COX16: variants seen among roughly 807,000 people sequenced by gnomAD.
The protein encoded by COX16 is cytochrome c oxidase assembly factor COX16.
In COX16, 12 loss-of-function variants were observed where a neutral mutation model predicts 15.4. The ratio of observed to expected loss-of-function variants is 0.78; its 90% CI spans 0.50 to 1.26. COX16 has a LOEUF of 1.26. Among genes scored for constraint, COX16 ranks in the 50% most tolerant of loss-of-function variants. The probability of loss-of-function intolerance (pLI) is 0.00; values close to 1 mark genes in which losing one functional copy is unlikely to be tolerated. For synonymous variants in COX16, 46 were observed against 41.1 expected, an observed-to-expected ratio of 1.12 and a Z score of -0.46; for missense variants, 124 against 127.6, an observed-to-expected ratio of 0.97 and a Z score of 0.14.
intron 1 of COX16, among the ~76,000 whole-genome samples, chr14:70,348,540 G>A (rs1886850055): frequency 6.6e-6 from 1 of 152,038 alleles, no homozygotes; most frequent in Non-Finnish European, 1.5e-5. Flanking sequence ...TGTCAAGGAT[G>A]CCGGCATGCT....
In COX16 at chr14:70,328,072, A is replaced by ATTTTTTTTTTTTTTTTTTTTTTTT. The variant is rs77655575; in HGVS notation, c.204+1078_204+1101dup. 35 of 80,842 alleles carry ATTTTTTTTTTTTTTTTTTTTTTTT rather than the reference A, an allele frequency of 4.3e-4. 7 individuals are homozygous for ATTTTTTTTTTTTTTTTTTTTTTTT. The highest frequency in any genetic ancestry group is 1.3e-3 in the African/African-American group (25 of 19,846). The allele number at this position is 80,842 out of a possible 1,614,324, so 5.0% of individuals were successfully genotyped here. A position where few individuals can be genotyped will look rare whatever the true frequency, so the allele number is the denominator to read the frequency against. Reference sequence around the variant, plus strand: ...AGTAAAAATTATGCCTGAGAATAAGATTTTTTTTTTTTTTTTTTTTTTTTT... The same window carrying ATTTTTTTTTTTTTTTTTTTTTTTT: ...AGTAAAAATTATGCCTGAGAATAAGATTTTTTTTTTTTTTTTTTTTTTTTTTTTTTTTTTTTTTTTTTTTTTTTT... On this transcript the variant is annotated intron_variant, in intron 3 of 3. Coordinates refer to ENST00000389912, the MANE Select transcript of COX16 (RefSeq NM_016468.7).
intron 1 of COX16, among the ~76,000 whole-genome samples, chr14:70,356,727 A>T (rs1038929439): frequency 6.7e-6 from 1 of 148,296 alleles, no homozygotes. Flanking sequence ...TATCAGTGAC[A>T]TGGTGGAGTA....
Position 70,331,423 on chromosome 14 carries a change from C to A in COX16, c.142-2187G>T, listed in dbSNP as rs576448601. On this transcript the variant is annotated intron_variant, in intron 2 of 3. Transcript: ENST00000389912. ...CTCCTAAAAAATAGTAGGAAAAAAA[C>A]CCAATAATCCAGTAGAAAAAAATGA... Among the ~76,000 whole-genome samples, 66 of 151,924 alleles carry A rather than the reference C, an allele frequency of 4.3e-4. 1 individual carries two copies. In the East Asian group the frequency reaches 6.8e-3, roughly 16 times the overall value.
chr14:70,329,942 TGA>T (rs1172820771), intron 2 of COX16, among the ~76,000 whole-genome samples: 1 of 150,664 alleles, frequency 6.6e-6, no homozygotes, highest in Non-Finnish European at 1.5e-5. Context: ...ATGAGATGAA[TGA>T]AAAAAAGTAT....
intron 3 of COX16, among the ~76,000 whole-genome samples, chr14:70,327,597 T>G (rs1391365801): frequency 6.6e-6 from 1 of 152,116 alleles, no homozygotes; most frequent in Non-Finnish European, 1.5e-5. Flanking sequence ...TAATTTAGCA[T>G]ACAAGAAGAA....
intron 2 of COX16, among the ~76,000 whole-genome samples, chr14:70,332,837 T>TG (rs1246390085): frequency 6.6e-6 from 1 of 152,216 alleles, no homozygotes; most frequent in Non-Finnish European, 1.5e-5. Context: ...AGAGAACTGT[T>TG]GGGAGGCATG....
chr14:70,330,051 A>G (rs1200208394), intron 2 of COX16, among the ~76,000 whole-genome samples: 4 of 152,148 alleles, frequency 2.6e-5, no homozygotes, highest in Non-Finnish European at 5.9e-5. Context: ...TAAAAATAGC[A>G]AAGAATTCAC....
chr14:70,331,940 T>C (rs1212100983), intron 2 of COX16, among the ~76,000 whole-genome samples: 3 of 151,944 alleles, frequency 2.0e-5, no homozygotes, highest in African/African-American at 7.3e-5. Flanking sequence ...AGGTAGGAGG[T>C]TGTCAAACCC....
intron 1 of COX16, among the ~76,000 whole-genome samples, chr14:70,347,987 C>T (rs1886833175): frequency 6.6e-6 from 1 of 152,086 alleles, no homozygotes; most frequent in South Asian, 2.1e-4. Flanking sequence ...AGAAGACTCT[C>T]ATCTCAGCCC....
chr14:70,326,145 T>A lies in COX16; in HGVS notation c.*188A>T, dbSNP rs1886063374. On this transcript the variant is annotated 3_prime_UTR_variant, in exon 4 of 4. Transcript: ENST00000389912. ...CAACATTGTTACTTTCATCCACAGATGGAATAGCTGGGAAGTATAAAAACC... is the reference window on the plus strand; with the variant it reads ...CAACATTGTTACTTTCATCCACAGAAGGAATAGCTGGGAAGTATAAAAACC... The A allele has an allele frequency of 2.8e-6, 1 of 354,700 alleles. No homozygotes were observed. The highest frequency in any genetic ancestry group is 4.8e-6 in the Non-Finnish European group (1 of 206,768). The allele number at this position is 354,700 out of a possible 1,614,324, so 22.0% of individuals were successfully genotyped here. A position where few individuals can be genotyped will look rare whatever the true frequency, so the allele number is the denominator to read the frequency against.
At chr14:70,354,395 T>C (rs1256716762) in intron 1 of COX16, among the ~76,000 whole-genome samples, 1 of 152,218 alleles carries the variant, frequency 6.6e-6, no homozygotes, top group African/African-American at 2.4e-5. Flanking sequence ...GGCTTTGAGC[T>C]ATGTGATATC....
intron 2 of COX16, among the ~76,000 whole-genome samples, chr14:70,331,710 C>G (rs1886297151): frequency 6.6e-6 from 1 of 151,696 alleles, no homozygotes; most frequent in South Asian, 2.1e-4. Flanking sequence ...TTCTGAAAAA[C>G]AGTTTGGAAT....
At chr14:70,353,795 G>A (rs997840781) in intron 1 of COX16, among the ~76,000 whole-genome samples, 1 of 152,020 alleles carries the variant, frequency 6.6e-6, no homozygotes, top group Non-Finnish European at 1.5e-5. Flanking sequence ...TTACAGGCGT[G>A]AGCCACTGCG....
rs776517205 is a variant in COX16, at chr14:70,326,479, A to T, written c.205-30T>A. On this transcript the variant is annotated intron_variant, in intron 3 of 3. Transcript: ENST00000389912. ...AGAACCACAAAAAATTAAAGTATAAATATTAGTATAAGAGCCTGTGGCTTT... is the reference window on the plus strand; with the variant it reads ...AGAACCACAAAAAATTAAAGTATAATTATTAGTATAAGAGCCTGTGGCTTT... The T allele has an allele frequency of 1.3e-6, 2 of 1,535,150 alleles. 1 individual carries two copies. Among genetic ancestry groups the T allele is most frequent in the South Asian group, 2.5e-5 (2 of 79,082 alleles).
At chr14:70,328,097 T>TTTTTTTTTTTTTTTTATGG (rs1886149105) in intron 3 of COX16, 1 of 116,036 alleles carries the variant, frequency 8.6e-6, no homozygotes, top group African/African-American at 3.2e-5. Flanking sequence ...TTTTTTTTTT[T>TTTTTTTTTTTTTTTTATGG]GAGACGGAGT....
At position 70,325,667 on chromosome 14, in the gene COX16, TGTA is replaced by T. The variant is rs1410733853; in HGVS notation, c.*663_*665del. 3 of 146,226 alleles carry T rather than the reference TGTA, an allele frequency of 2.1e-5. No individual in the cohort carries two copies. Among genetic ancestry groups the T allele is most frequent in the East Asian group, 3.1e-4 (1 of 3,190 alleles). 9.1% of individuals were successfully genotyped at this position (146,226 alleles called of 1,614,324 possible). A position where few individuals can be genotyped will look rare whatever the true frequency, so the allele number is the denominator to read the frequency against. ...AGTATTATCTTAGTATTTCTCAAAA[TGTA>T]GTCATCTATGGATTTACTGAACAAA... On this transcript the variant is annotated 3_prime_UTR_variant, in exon 4 of 4. Coordinates refer to ENST00000389912, the MANE Select transcript of COX16 (RefSeq NM_016468.7).
chr14:70,335,642 GAAAC>G (rs1886429930), intron 2 of COX16, among the ~76,000 whole-genome samples: 9 of 148,578 alleles, frequency 6.1e-5, no homozygotes, highest in Admixed American at 6.0e-4. Flanking sequence ...AAAATTTATG[GAAAC>G]AAATAAAAAT....
At chr14:70,326,499 G>A in intron 3 of COX16, 50 bp from the exon 4 acceptor site, 2 of 1,430,970 alleles carry the variant, frequency 1.4e-6, no homozygotes, top group Non-Finnish European at 1.9e-6. Context: ...AAGAGCCTGT[G>A]GCTTTGATTA....
At chr14:70,350,653 C>CA (rs2140742829) in intron 1 of COX16, among the ~76,000 whole-genome samples, 1 of 152,328 alleles carries the variant, frequency 6.6e-6, no homozygotes, top group South Asian at 2.1e-4. Context: ...GTCCAACTTA[C>CA]ACCTAACTAT....
Sources: allele counts gnomAD v4.1 joint callset (sites outside exome capture counted in the v4.1 genomes callset), GRCh38; gene constraint gnomAD v4.1.1; transcripts MANE v1.5; gene names NCBI Gene and HGNC (gene_info 2026-07-23, HGNC 2026-07-21).